The following COG5 variants were observed in gnomAD, a reference collection of about 807,000 sequenced individuals.
COG5 encodes conserved oligomeric Golgi complex subunit 5.
Under a neutral mutation model 110.4 loss-of-function variants are expected in COG5, and 86 were observed. The ratio of observed to expected loss-of-function variants is 0.78; its 90% CI spans 0.65 to 0.93. The LOEUF is 0.93. Among genes scored for constraint, COG5 ranks in the 40% least tolerant of loss-of-function variants. The probability of loss-of-function intolerance (pLI) is 0.00; values close to 1 mark genes in which losing one functional copy is unlikely to be tolerated. For missense variants in COG5, 1,077 were observed against 987.0 expected (o/e 1.09, Z -1.22); for synonymous variants, 360 against 334.6 (o/e 1.08, Z -0.83).
At chr7:107,385,076 G>C (rs1016456706) in intron 7 of COG5, among the ~76,000 whole-genome samples, 1 of 152,172 alleles carries the variant, frequency 6.6e-6, no homozygotes, top group Non-Finnish European at 1.5e-5. Flanking sequence ...ATTATAGTGG[G>C]CCTTAAAGCC....
chr7:107,563,379 A>G, intron 1 of COG5: 1 of 285,112 alleles, frequency 3.5e-6, no homozygotes, highest in Non-Finnish European at 6.9e-6. Context: ...GCTCTACTTT[A>G]AAACAAGGCC....
At chr7:107,270,203 A>C (rs921206752) in intron 14 of COG5, among the ~76,000 whole-genome samples, 2 of 152,082 alleles carry the variant, frequency 1.3e-5, no homozygotes, top group Admixed American at 1.3e-4. Context: ...GAAAGGCATA[A>C]AATTTTTCAA....
chr7:107,332,596 G>T (rs1810350013), intron 10 of COG5, among the ~76,000 whole-genome samples: 2 of 152,142 alleles, frequency 1.3e-5, no homozygotes, highest in Admixed American at 1.3e-4. Flanking sequence ...CCTCAGAGGA[G>T]TGAAGTAAAC....
chr7:107,464,627 A>G (rs1796189903), intron 6 of COG5, among the ~76,000 whole-genome samples: 1 of 152,132 alleles, frequency 6.6e-6, no homozygotes, highest in African/African-American at 2.4e-5. Flanking sequence ...AAAAATGTCA[A>G]AAATTGTTTA....
chr7:107,508,139 G>T (rs1374728316), intron 6 of COG5, among the ~76,000 whole-genome samples: 1 of 152,224 alleles, frequency 6.6e-6, no homozygotes, highest in Non-Finnish European at 1.5e-5. Context: ...TCAAAGAAAG[G>T]GGTGACAGAA....
chr7:107,391,091 T>C (rs987702579), intron 7 of COG5, among the ~76,000 whole-genome samples: 4 of 152,024 alleles, frequency 2.6e-5, no homozygotes, highest in African/African-American at 7.2e-5. Flanking sequence ...TGCTCTCTAC[T>C]TGGTGGGAGG....
At position 107,233,144 on chromosome 7, in the gene COG5, A is replaced by T. The variant is rs1217335307; in HGVS notation, c.2092-2453T>A. 1.4e-4 allele frequency among the ~76,000 whole-genome samples: 22 copies of T among 152,342 alleles called. No individual in the cohort carries two copies. The East Asian group carries it at 4.2e-3, about 29-fold the overall frequency. Reference sequence around the variant, plus strand: ...ATAGAAATTGCTAGAAGTACCACTAAATAATTTAATACCAACTTCAATAGC... The same window carrying T: ...ATAGAAATTGCTAGAAGTACCACTATATAATTTAATACCAACTTCAATAGC... On this transcript the variant is annotated intron_variant, in intron 18 of 21. Coordinates refer to ENST00000297135, the MANE Select transcript of COG5 (RefSeq NM_006348.5).
intron 6 of COG5, among the ~76,000 whole-genome samples, chr7:107,480,079 A>G (rs1797243663): frequency 6.6e-6 from 1 of 152,156 alleles, no homozygotes. Context: ...CAACATTTCT[A>G]AAGGATAATA....
At chr7:107,265,616 T>C (rs928206669) in intron 14 of COG5, among the ~76,000 whole-genome samples, 1 of 152,212 alleles carries the variant, frequency 6.6e-6, no homozygotes. Context: ...ATAGATTACC[T>C]GGTTCAGATT....
rs559781573 is a variant in COG5 at position 107,510,214 on chromosome 7, A to C, written c.538+17023T>G. ...AGGGATGGAGGAAGATCTACCAAGCAAATGGAAAACAAAAAAAGGCAGGGG... is the reference window on the plus strand; with the variant it reads ...AGGGATGGAGGAAGATCTACCAAGCCAATGGAAAACAAAAAAAGGCAGGGG... On this transcript the variant is annotated intron_variant, in intron 6 of 21. Transcript: ENST00000297135. Among the ~76,000 whole-genome samples the C allele has an allele frequency of 1.9e-4, 29 of 152,220 alleles. 1 individual carries two copies. The highest frequency in any genetic ancestry group is 7.0e-4 in the African/African-American group (29 of 41,536).
rs1351079753 is a variant in COG5, at chr7:107,349,626, C to A, written c.1026+12407G>T. On this transcript the variant is annotated intron_variant, in intron 10 of 21. Transcript: ENST00000297135. ...AGGCTGGAGTGCGGTGGTCCGATCT[C>A]GGCTCACTGCAAGCTCCGCCTCCCG... 3.9e-5 allele frequency among the ~76,000 whole-genome samples: 6 copies of A among 151,922 alleles called. No individual in the cohort carries two copies. The South Asian group carries it at 1.2e-3, about 32-fold the overall frequency.
At chr7:107,285,865 G>GA (rs61521862) in intron 12 of COG5, among the ~76,000 whole-genome samples, 27,373 of 119,384 alleles carry the variant, frequency 0.23, 2,662 homozygotes, top group Non-Finnish European at 0.27. Flanking sequence ...ACTCTGTCAA[G>GA]AAAAAAAAAA....
intron 1 of COG5, among the ~76,000 whole-genome samples, chr7:107,561,556 G>A (rs1029111122): frequency 1.3e-5 from 2 of 152,212 alleles, no homozygotes; most frequent in Admixed American, 6.5e-5. Context: ...TCCATTTGTC[G>A]TATGTGCAAG....
At chr7:107,337,577 T>C (rs551624783) in intron 10 of COG5, among the ~76,000 whole-genome samples, 108 of 151,998 alleles carry the variant, frequency 7.1e-4, no homozygotes, top group South Asian at 1.2e-3. Flanking sequence ...ATATGGCATA[T>C]ATGGGAGCTT....
At chr7:107,349,733 A>ATT in intron 10 of COG5, among the ~76,000 whole-genome samples, 1 of 151,778 alleles carries the variant, frequency 6.6e-6, no homozygotes, top group East Asian at 1.9e-4. Context: ...AATTTTTTGT[A>ATT]TTTTCAGTAG....
intron 6 of COG5, among the ~76,000 whole-genome samples, chr7:107,414,645 C>T (rs1306228771): frequency 7.0e-6 from 1 of 142,560 alleles, no homozygotes; most frequent in Non-Finnish European, 1.5e-5. Context: ...CACTGACTAA[C>T]ATGTTCTCCA....
At chr7:107,261,085 C>A (rs541365839) in intron 14 of COG5, among the ~76,000 whole-genome samples, 44 of 152,018 alleles carry the variant, frequency 2.9e-4, no homozygotes, top group Non-Finnish European at 5.6e-4. Flanking sequence ...CCTGAGGAAC[C>A]CGCGTACAGG....
At chr7:107,243,161 A>G (rs995150844) in intron 17 of COG5, among the ~76,000 whole-genome samples, 1 of 152,198 alleles carries the variant, frequency 6.6e-6, no homozygotes, top group African/African-American at 2.4e-5. Context: ...ACAATCTTAT[A>G]TATATATGGA....
intron 14 of COG5, among the ~76,000 whole-genome samples, chr7:107,262,780 T>G (rs184433919): frequency 1.7e-3 from 256 of 152,240 alleles, no homozygotes; most frequent in Non-Finnish European, 2.6e-3. Context: ...ATAGAAGCAA[T>G]CAGAAAACTC....
Sources: gnomAD v4.1 joint callset for allele counts (sites outside exome capture counted in the v4.1 genomes callset) on GRCh38, gnomAD v4.1.1 for gene constraint, MANE v1.5 for transcripts, NCBI Gene and HGNC (gene_info 2026-07-23, HGNC 2026-07-21) for gene names.